Variants in DNHD1 observed in about 807,000 individuals in gnomAD.
DNHD1 encodes the protein dynein heavy chain domain 1, also known as dynein heavy chain domain-containing protein 1.
In DNHD1, 383 loss-of-function variants were observed where a neutral mutation model predicts 458.1. The ratio of observed to expected loss-of-function variants is 0.84; its 90% CI spans 0.77 to 0.91. The LOEUF is 0.91. Ranked by LOEUF, DNHD1 falls within the 40% of genes least tolerant of loss-of-function variation. The pLI is 0.00. For synonymous variants in DNHD1, 2,203 were observed against 2,376.9 expected, an observed-to-expected ratio of 0.93 and a Z score of 2.13; for missense variants, 5,336 against 5,866.1, an observed-to-expected ratio of 0.91 and a Z score of 2.95.
At chr11:6,567,884 C>T (rs1288026130) in intron 36 of DNHD1, 24 bp downstream of exon 36, 1 of 1,585,220 alleles carries the variant, frequency 6.3e-7, no homozygotes, top group African/African-American at 1.3e-5. Flanking sequence ...TTCTTGGCCA[C>T]AGAGTGACCA....
Position 6,564,785 on chromosome 11 carries a change from A to G in DNHD1, c.10737A>G (p.Pro3579=). The change falls in exon 32 of 43, where the codon CCA becomes CCG. Residue 3579 remains proline, a synonymous_variant. Coordinates refer to ENST00000254579, the MANE Select transcript of DNHD1 (RefSeq NM_144666.3). The part of the protein sequence containing the change: ...LPLEENRSFA[P]ALTEGRGKGL... ...TGGAAGAGAATCGATCTTTTGCGCC[A>G]GCCCTCACTGAGGGTAGAGGTAAGC... The G allele has an allele frequency of 6.5e-7, 1 of 1,532,512 alleles. No individual in the cohort carries two copies. Among genetic ancestry groups the G allele is most frequent in the Non-Finnish European group, 8.8e-7 (1 of 1,133,192 alleles). The allele number at this position is 1,532,512 out of a possible 1,614,324, so 94.9% of individuals were successfully genotyped here.
At chr11:6,562,869 G>A (rs188623000) in intron 28 of DNHD1, 113 bp from the exon 29 acceptor site, 19 of 1,251,750 alleles carry the variant, frequency 1.5e-5, no homozygotes, top group South Asian at 3.1e-5. Flanking sequence ...GGAGTTCAAC[G>A]TGGTCAGTCT....
Position 6,571,542 on chromosome 11 carries a change from C to T in DNHD1, c.13912-94C>T. The stretch of plus-strand genomic sequence containing the variant: ...GTAACCCTGCTAGCTTCTCCGATCT[C>T]GCTTCACCACGACCTCCTACCCGCT... On this transcript the variant is annotated intron_variant, in intron 42 of 42. Transcript: ENST00000254579. The surrounding 1 kb of genome is among the most constrained non-coding windows in gnomAD (Gnocchi z 5.0). The T allele has an allele frequency of 6.9e-7, 1 of 1,454,354 alleles. No individual in the cohort carries two copies. The highest frequency in any genetic ancestry group is 9.2e-7 in the Non-Finnish European group (1 of 1,090,408). The allele number at this position is 1,454,354 out of a possible 1,614,324, so 90.1% of individuals were successfully genotyped here.
At position 6,570,734 on chromosome 11, in the gene DNHD1, C is replaced by A; in HGVS notation, c.13222C>A (p.Arg4408Ser). The A allele has an allele frequency of 1.2e-6, 2 of 1,610,900 alleles. No individual in the cohort carries two copies. Among genetic ancestry groups the A allele is most frequent in the Non-Finnish European group, 8.5e-7 (1 of 1,178,590 alleles). The stretch of plus-strand genomic sequence containing the variant: ...GGGCCCCCAAGCCTGGCTGTTGCGA[C>A]GCCAGAGTCGCGCTCTCTTGAGTGC... Reference protein sequence around the residue: ...SEGPQAWLLRRQSRALLSALQ... With the variant: ...SEGPQAWLLRSQSRALLSALQ... Residue 4408 changes from arginine to serine, a missense_variant, in exon 42 of 43, where the codon CGC becomes AGC. Coordinates refer to ENST00000254579, the MANE Select transcript of DNHD1 (RefSeq NM_144666.3).
At chr11:6,544,483 G>A in intron 19 of DNHD1, 91 bp from the exon 20 acceptor site, 2 of 1,148,244 alleles carry the variant, frequency 1.7e-6, no homozygotes, top group Non-Finnish European at 2.5e-6. Flanking sequence ...GGGCTGGTGG[G>A]GTACCTGAGA....
chr11:6,514,544 C>T (rs757614449), intron 7 of DNHD1, among the ~76,000 whole-genome samples: 4 of 150,078 alleles, frequency 2.7e-5, no homozygotes, highest in Non-Finnish European at 3.0e-5. Flanking sequence ...TTTTTCTCTC[C>T]CTCCCTCTCT....
At chr11:6,536,481 T>G (rs2134416790) in intron 14 of DNHD1, among the ~76,000 whole-genome samples, 1 of 152,228 alleles carries the variant, frequency 6.6e-6, no homozygotes, top group Non-Finnish European at 1.5e-5. Flanking sequence ...AAAAAAATTG[T>G]GTGTGTGTAT....
Position 6,547,994 on chromosome 11 carries a change from T to C in DNHD1, c.6859T>C (p.Phe2287Leu), listed in dbSNP as rs752519938. The C allele has an allele frequency of 9.0e-6, 14 of 1,551,564 alleles. No individual in the cohort carries two copies. In the African/African-American group the frequency reaches 1.9e-4, roughly 21 times the overall value. Residue 2287 changes from phenylalanine (F) to leucine (L), a missense_variant, in exon 22 of 43, where the codon TTT becomes CTT. Around this residue, in one of 4 missense-constraint regions of DNHD1, gnomAD observed 3,932 missense variants for 4,365.6 expected, o/e 0.90. Transcript: ENST00000254579. Reference protein sequence around the residue: ...CREHLLAVSSFLFALIWGFGA... With the variant: ...CREHLLAVSSLLFALIWGFGA... ...GGAACACTTGCTGGCTGTCAGCAGT[T>C]TTCTTTTTGCCTTGATCTGGGGCTT...
At chr11:6,520,678 T>C (rs1387308443) in intron 10 of DNHD1, 22 of 1,055,204 alleles carry the variant, frequency 2.1e-5, no homozygotes, top group Non-Finnish European at 2.4e-5. Context: ...CAACACTTGC[T>C]TTATGTCATA....
Position 6,498,043 on chromosome 11 carries a change from C to A in DNHD1, c.-173C>A. ...CCCTGTCCCAGGTCCTTTCTTCCTCCTAACCCCATTGACTCTGACCATCCC... is the reference window on the plus strand; with the variant it reads ...CCCTGTCCCAGGTCCTTTCTTCCTCATAACCCCATTGACTCTGACCATCCC... On this transcript the variant is annotated 5_prime_UTR_variant, in exon 3 of 43. Transcript: ENST00000254579. 1 of 853,856 alleles carries A rather than the reference C, an allele frequency of 1.2e-6. No homozygotes were observed. The highest frequency in any genetic ancestry group is 1.9e-6 in the Non-Finnish European group (1 of 539,206). 52.9% of individuals were successfully genotyped at this position (853,856 alleles called of 1,614,324 possible).
At chr11:6,508,718 C>T (rs577675192) in intron 4 of DNHD1, 162 bp from the exon 5 acceptor site, 1 of 645,878 alleles carries the variant, frequency 1.5e-6, no homozygotes, top group East Asian at 2.8e-5. Context: ...ATATTTGTTT[C>T]ATCTTTCTAG....
chr11:6,556,542 C>T, intron 24 of DNHD1, 141 bp from the exon 25 acceptor site: 1 of 745,650 alleles, frequency 1.3e-6, no homozygotes, highest in Middle Eastern at 3.5e-4. Context: ...GGGAGAATAG[C>T]TTACTCAAAT....
Position 6,545,729 on chromosome 11 carries a change from C to T in DNHD1, c.4790C>T (p.Thr1597Ile), listed in dbSNP as rs1564815814. The part of the protein sequence containing the change: ...LLEQHQVSDL[T>I]DFHWVRQLKY... ...GAACAGCACCAGGTCAGTGATCTCACAGACTTTCACTGGGTCCGCCAACTC... is the reference window on the plus strand; with the variant it reads ...GAACAGCACCAGGTCAGTGATCTCATAGACTTTCACTGGGTCCGCCAACTC... The change falls in exon 21 of 43, where the codon ACA becomes ATA. Residue 1597 changes from threonine to isoleucine, a missense_variant. By Grantham distance (89) the Thr-to-Ile change is moderately conservative. Transcript: ENST00000254579. This position sits in a 1 kb window ranked among gnomAD's most constrained non-coding sequence, Gnocchi z 4.9. The T allele has an allele frequency of 1.3e-6, 2 of 1,551,698 alleles. No homozygotes were observed. The highest frequency in any genetic ancestry group is 1.2e-5 in the South Asian group (1 of 84,068).
intron 28 of DNHD1, among the ~76,000 whole-genome samples, chr11:6,562,400 C>T (rs751309261): frequency 2.6e-5 from 4 of 152,040 alleles, no homozygotes; most frequent in African/African-American, 7.3e-5. Context: ...AATGAATACA[C>T]GGTATGGGGC....
intron 7 of DNHD1, among the ~76,000 whole-genome samples, chr11:6,512,378 G>A (rs979508836): frequency 4.8e-5 from 7 of 146,672 alleles, no homozygotes; most frequent in Admixed American, 1.3e-4. Flanking sequence ...CCACCACCAT[G>A]CCCGGCTAAT....
chr11:6,539,304 A>C lies in DNHD1; in HGVS notation c.3411A>C (p.Arg1137=), dbSNP rs1454639177. The C allele has an allele frequency of 6.4e-6, 10 of 1,551,350 alleles. No homozygotes were observed. Among genetic ancestry groups the C allele is most frequent in the Non-Finnish European group, 8.7e-6 (10 of 1,146,728 alleles). ...LTYPLLEFAD[R]INQVWQNENE... Reference sequence around the variant, plus strand: ...ATCCACTGCTGGAGTTTGCAGATCGAATCAACCAGGTGGGGCCCTCAGTAC... The same window carrying C: ...ATCCACTGCTGGAGTTTGCAGATCGCATCAACCAGGTGGGGCCCTCAGTAC... The change falls in exon 17 of 43, where the codon CGA becomes CGC. Residue 1137 remains arginine, a synonymous_variant. Coordinates refer to ENST00000254579, the MANE Select transcript of DNHD1 (RefSeq NM_144666.3).
At position 6,563,918 on chromosome 11, in the gene DNHD1, G is replaced by C; in HGVS notation, c.10078G>C (p.Glu3360Gln). ...LQQVEATLTREQARLGYYQFQ... is the reference protein window; with the variant it reads ...LQQVEATLTRQQARLGYYQFQ... ...GCAAGTGGAGGCAACACTCACTCGG[G>C]AGCAGGCCCGCCTGGGCTACTACCA... is the stretch of plus-strand genomic sequence containing the variant. Residue 3360 changes from glutamate to glutamine, a missense_variant, in exon 31 of 43, where the codon GAG becomes CAG. Around this residue, in one of 4 missense-constraint regions of DNHD1, gnomAD observed 3,932 missense variants for 4,365.6 expected, o/e 0.90. Coordinates refer to ENST00000254579, the MANE Select transcript of DNHD1 (RefSeq NM_144666.3). The C allele has an allele frequency of 1.3e-6, 2 of 1,551,694 alleles. No homozygotes were observed. Among genetic ancestry groups the C allele is most frequent in the South Asian group, 2.4e-5 (2 of 84,070 alleles).
Position 6,548,874 on chromosome 11 carries a change from A to C in DNHD1, c.7328A>C (p.His2443Pro), listed in dbSNP as rs1173422813. The change falls in exon 24 of 43, where the codon CAC becomes CCC. Residue 2443 changes from histidine (H) to proline (P), a missense_variant. Coordinates refer to ENST00000254579, the MANE Select transcript of DNHD1 (RefSeq NM_144666.3). The surrounding 1 kb of genome is among the most constrained non-coding windows in gnomAD (Gnocchi z 4.4). Reference sequence around the variant, plus strand: ...CAAGCCAGCCCACAGCCTGGGCATCACCAGGATTCTAAACCCTCCCTCCTC... The same window carrying C: ...CAAGCCAGCCCACAGCCTGGGCATCCCCAGGATTCTAAACCCTCCCTCCTC... ...QTQASPQPGHHQDSKPSLLFL... is the reference protein window; with the variant it reads ...QTQASPQPGHPQDSKPSLLFL... 3.2e-6 allele frequency: 5 copies of C among 1,551,700 alleles called. No homozygotes were observed. Among genetic ancestry groups the C allele is most frequent in the Non-Finnish European group, 4.4e-6 (5 of 1,146,992 alleles).
Position 6,533,835 on chromosome 11 carries a change from TCCCTC to T in DNHD1, c.2663_2667del (p.Pro888LeufsTer29). 1 of 1,550,660 alleles carries T rather than the reference TCCCTC, an allele frequency of 6.4e-7. No homozygotes were observed. Among genetic ancestry groups the T allele is most frequent in the South Asian group, 1.2e-5 (1 of 83,956 alleles). On this transcript the variant is annotated frameshift_variant, in exon 14 of 43. Coordinates refer to ENST00000254579, the MANE Select transcript of DNHD1 (RefSeq NM_144666.3). ...AGAAGGCAATTCGGGGAGTCACCCA[TCCCTC>T]CCTGCCCTCCTCCCCCACAACCACA...
Sources: gnomAD v4.1 joint callset for allele counts (sites outside exome capture counted in the v4.1 genomes callset) on GRCh38, gnomAD v4.1.1 for gene constraint, gnomAD v4.1.1 regional missense constraint, Gnocchi (gnomAD v3.1) non-coding constraint, MANE v1.5 for transcripts, NCBI Gene and HGNC (gene_info 2026-07-23, HGNC 2026-07-21) for gene names.